The following ARNT2 variants were observed in gnomAD, a reference collection of about 807,000 sequenced individuals.
The protein encoded by ARNT2 is ARNT protein 2.
In ARNT2, 36 loss-of-function variants were observed where a neutral mutation model predicts 91.7. The ratio of observed to expected loss-of-function variants is 0.39; its 90% CI spans 0.30 to 0.52. ARNT2 has a LOEUF of 0.52. Ranked by LOEUF, ARNT2 falls within the 20% of genes least tolerant of loss-of-function variation. The probability of loss-of-function intolerance (pLI) is 0.72; values close to 1 mark genes in which losing one functional copy is unlikely to be tolerated. For synonymous variants in ARNT2, 365 were observed against 347.1 expected (o/e 1.05, Z -0.57); for missense variants, 775 against 939.3 (o/e 0.83, Z 2.29).
At chr15:80,470,475 C>T (rs999867124) in intron 4 of ARNT2, 44 bp downstream of exon 4, 1 of 1,592,900 alleles carries the variant, frequency 6.3e-7, no homozygotes, top group African/African-American at 1.3e-5. Context: ...GGGGGAATCC[C>T]AGCGTCACCA....
intron 8 of ARNT2, among the ~76,000 whole-genome samples, chr15:80,515,982 G>T (rs1055761518): frequency 4.0e-5 from 6 of 150,548 alleles, no homozygotes; most frequent in African/African-American, 1.2e-4. Flanking sequence ...CGATTCTCCT[G>T]CCTCAGCCTC....
chr15:80,522,233 T>C (rs560564214), intron 8 of ARNT2, among the ~76,000 whole-genome samples: 6 of 152,298 alleles, frequency 3.9e-5, no homozygotes, highest in Admixed American at 3.3e-4. Context: ...TCACAACAGC[T>C]GCATGGAAAG....
chr15:80,515,197 G>A (rs1246618387), intron 8 of ARNT2, among the ~76,000 whole-genome samples: 10 of 152,178 alleles, frequency 6.6e-5, no homozygotes, highest in Admixed American at 6.5e-4. Flanking sequence ...TGGGAAAACA[G>A]TTTGGCAGTT....
rs776064234 is a variant in ARNT2, at chr15:80,597,178, A to T, written c.*3480A>T. The T allele has an allele frequency of 1.9e-6, 1 of 518,596 alleles. No individual in the cohort carries two copies. The allele number at this position is 518,596 out of a possible 1,614,324, so 32.1% of individuals were successfully genotyped here. A position where few individuals can be genotyped will look rare whatever the true frequency, so the allele number is the denominator to read the frequency against. ...CAGTGTCCTTCTAGCTTTAGCCGAG[A>T]AAGAAACCAGTCCCAGGGAATGAAT... On this transcript the variant is annotated 3_prime_UTR_variant, in exon 19 of 19. Coordinates refer to ENST00000303329, the MANE Select transcript of ARNT2 (RefSeq NM_014862.4).
chr15:80,552,895 T>C (rs1370542884), intron 10 of ARNT2, 121 bp downstream of exon 10: 1 of 1,265,492 alleles, frequency 7.9e-7, no homozygotes, highest in African/African-American at 1.5e-5. Context: ...AAGACCCATA[T>C]ACCCTGCCTA....
In ARNT2 at chr15:80,513,795, G is replaced by A. The variant is rs115388662; in HGVS notation, c.726-116G>A. 1,542 of 840,090 alleles carry A rather than the reference G, an allele frequency of 1.8e-3. 15 individuals carry two copies. The African/African-American group carries it at 0.022, about 12-fold the overall frequency. The allele number at this position is 840,090 out of a possible 1,614,324, so 52.0% of individuals were successfully genotyped here. A position where few individuals can be genotyped will look rare whatever the true frequency, so the allele number is the denominator to read the frequency against. On this transcript the variant is annotated intron_variant, in intron 6 of 18. Coordinates refer to ENST00000303329, the MANE Select transcript of ARNT2 (RefSeq NM_014862.4). ...CTTTTGAAGAAAATTGGCTATAGGC[G>A]TCACCTGAATAAATGTGTAAGCATC... is the stretch of plus-strand genomic sequence containing the variant.
chr15:80,537,618 A>G (rs1283553316), intron 8 of ARNT2, among the ~76,000 whole-genome samples: 1 of 152,212 alleles, frequency 6.6e-6, no homozygotes, highest in African/African-American at 2.4e-5. Context: ...AGGTTCTCTC[A>G]GTTCCTGTGC....
intron 3 of ARNT2, among the ~76,000 whole-genome samples, chr15:80,461,209 T>C (rs545642528): frequency 6.6e-6 from 1 of 152,292 alleles, no homozygotes; most frequent in East Asian, 1.9e-4. Context: ...GGCATCAATG[T>C]GTATAAGTGC....
At chr15:80,533,035 T>C (rs989739068) in intron 8 of ARNT2, among the ~76,000 whole-genome samples, 1 of 152,132 alleles carries the variant, frequency 6.6e-6, no homozygotes, top group African/African-American at 2.4e-5. Flanking sequence ...AAGCACTGTG[T>C]GGAGGCAGCA....
intron 3 of ARNT2, 88 bp downstream of exon 3, chr15:80,458,064 A>G: frequency 7.0e-7 from 1 of 1,426,300 alleles, no homozygotes; most frequent in Non-Finnish European, 9.8e-7. Context: ...GTCTTTTGTC[A>G]TTGCAAAAGC....
At chr15:80,509,125 G>A (rs926497021) in intron 6 of ARNT2, among the ~76,000 whole-genome samples, 2 of 152,146 alleles carry the variant, frequency 1.3e-5, no homozygotes, top group African/African-American at 4.8e-5. Flanking sequence ...TGCTCTTCAA[G>A]GTGCCCGGGA....
chr15:80,546,476 G>C (rs915481351), intron 8 of ARNT2, among the ~76,000 whole-genome samples: 4 of 152,234 alleles, frequency 2.6e-5, no homozygotes, highest in African/African-American at 7.2e-5. Flanking sequence ...TGTAAATGAT[G>C]TATGTCACTA....
intron 8 of ARNT2, among the ~76,000 whole-genome samples, chr15:80,520,174 TA>T (rs1233328248): frequency 6.6e-6 from 1 of 152,062 alleles, no homozygotes; most frequent in African/African-American, 2.4e-5. Flanking sequence ...ATTCTGAAGA[TA>T]AAAATGGACA....
chr15:80,460,468 G>A (rs535268298), intron 3 of ARNT2, among the ~76,000 whole-genome samples: 4 of 152,300 alleles, frequency 2.6e-5, no homozygotes, highest in South Asian at 4.1e-4. Flanking sequence ...ACATGCACAC[G>A]CCCATACGTG....
Position 80,552,775 on chromosome 15 carries a change from G to C in ARNT2, c.1089+1G>C. On this transcript the variant is annotated splice_donor_variant, in intron 10 of 18. Coordinates refer to ENST00000303329, the MANE Select transcript of ARNT2 (RefSeq NM_014862.4). LOFTEE classifies it high-confidence loss of function. ...CAGTGTGATTGGCTACCAACCCCAG[G>C]TGAGTAGATAGTTTTGAGCCTATGG... 6.2e-7 allele frequency: 1 copy of C among 1,613,676 alleles called. No homozygotes were observed. The highest frequency in any genetic ancestry group is 8.5e-7 in the Non-Finnish European group (1 of 1,179,792).
chr15:80,470,463 C>T (rs8033507), intron 4 of ARNT2, 32 bp downstream of exon 4: 27 of 1,602,368 alleles, frequency 1.7e-5, no homozygotes, highest in East Asian at 6.7e-5. Flanking sequence ...CATTGGAAAG[C>T]GGGGGGAATC....
At chr15:80,480,464 C>T (rs970990502) in intron 5 of ARNT2, among the ~76,000 whole-genome samples, 7 of 152,140 alleles carry the variant, frequency 4.6e-5, no homozygotes, top group African/African-American at 2.4e-5. Context: ...GAACTGGAGG[C>T]GCCTTGTGGG....
intron 8 of ARNT2, among the ~76,000 whole-genome samples, chr15:80,516,853 A>ATATATC (rs1157966395): frequency 1.4e-5 from 2 of 139,048 alleles, no homozygotes; most frequent in African/African-American, 5.3e-5. Flanking sequence ...ATATATATAT[A>ATATATC]TATCCATGTT....
chr15:80,456,382 G>A (rs969301521), intron 2 of ARNT2, among the ~76,000 whole-genome samples: 8 of 149,838 alleles, frequency 5.3e-5, no homozygotes, highest in African/African-American at 2.0e-4. Flanking sequence ...AACTCCTTTT[G>A]TTCTTATACT....
Sources: allele counts gnomAD v4.1 joint callset (sites outside exome capture counted in the v4.1 genomes callset), GRCh38; gene constraint gnomAD v4.1.1; transcripts MANE v1.5; gene names NCBI Gene and HGNC (gene_info 2026-07-23, HGNC 2026-07-21).